The following SLC25A21 variants were observed in gnomAD, a reference collection of about 807,000 sequenced individuals.
SLC25A21 encodes mitochondrial 2-oxodicarboxylate carrier.
Under a neutral mutation model 43.8 loss-of-function variants are expected in SLC25A21, and 47 were observed. That is an observed-to-expected ratio of 1.07 (90% CI 0.85 to 1.37). SLC25A21 has a LOEUF of 1.37. Ranked by LOEUF, SLC25A21 falls within the 40% of genes most tolerant of loss-of-function variation. The pLI is 0.00. For synonymous variants in SLC25A21, 131 were observed against 121.3 expected, an observed-to-expected ratio of 1.08 and a Z score of -0.52; for missense variants, 352 against 350.2, an observed-to-expected ratio of 1.00 and a Z score of -0.04.
At chr14:36,700,109 T>C (rs1200121454) in intron 7 of SLC25A21, among the ~76,000 whole-genome samples, 2 of 152,118 alleles carry the variant, frequency 1.3e-5, no homozygotes, top group Non-Finnish European at 2.9e-5. Context: ...CAAAATTTAA[T>C]ACAATACCAC....
chr14:36,778,251 A>C (rs192842695), intron 3 of SLC25A21, among the ~76,000 whole-genome samples: 1 of 152,182 alleles, frequency 6.6e-6, no homozygotes, highest in African/African-American at 2.4e-5. Flanking sequence ...TTTACTCCCC[A>C]TCACTGCAAT....
intron 3 of SLC25A21, among the ~76,000 whole-genome samples, chr14:36,778,246 T>C (rs1249638024): frequency 6.6e-6 from 1 of 152,156 alleles, no homozygotes; most frequent in Admixed American, 6.5e-5. Context: ...AAATCTTTAC[T>C]CCCCATCACT....
intron 3 of SLC25A21, among the ~76,000 whole-genome samples, chr14:36,755,470 G>A (rs1885888951): frequency 6.6e-6 from 1 of 152,144 alleles, no homozygotes. Flanking sequence ...TGTGGTGGCG[G>A]TCATTGATCT....
At chr14:37,061,512 TCCC>T (rs111858194) in intron 1 of SLC25A21, among the ~76,000 whole-genome samples, 1 of 152,038 alleles carries the variant, frequency 6.6e-6, no homozygotes, top group Non-Finnish European at 1.5e-5. Context: ...CATGATTTTT[TCCC>T]CTCTAGTCAG....
At chr14:36,928,490 GCTAA>G (rs1270651196) in intron 1 of SLC25A21, among the ~76,000 whole-genome samples, 2 of 152,050 alleles carry the variant, frequency 1.3e-5, no homozygotes, top group Admixed American at 1.3e-4. Flanking sequence ...CTTAACCACG[GCTAA>G]CTAATGGGAG....
intron 1 of SLC25A21, among the ~76,000 whole-genome samples, chr14:37,136,679 C>T (rs954544565): frequency 1.4e-4 from 21 of 151,562 alleles, no homozygotes; most frequent in African/African-American, 4.9e-4. Context: ...TGAATGGATA[C>T]AAAAATTATA....
At chr14:36,945,268 A>G (rs1892652714) in intron 1 of SLC25A21, among the ~76,000 whole-genome samples, 1 of 152,206 alleles carries the variant, frequency 6.6e-6, no homozygotes, top group African/African-American at 2.4e-5. Context: ...GGAGGCAGAA[A>G]TACAAGTTGA....
At position 36,739,020 on chromosome 14, in the gene SLC25A21, C is replaced by A. The variant is rs116636794; in HGVS notation, c.204-4447G>T. ...GTCAATGCCAAATAAGATATAGCAA[C>A]CTAAATCAAGTTCTTTATGTCCTTG... On this transcript the variant is annotated intron_variant, in intron 3 of 9. Coordinates refer to ENST00000331299, the MANE Select transcript of SLC25A21 (RefSeq NM_030631.4). Among the ~76,000 whole-genome samples, 1,216 of 152,232 alleles carry A rather than the reference C, an allele frequency of 8.0e-3. 3 individuals are homozygous for A. The highest frequency in any genetic ancestry group is 0.02 in the Middle Eastern group (6 of 294).
chr14:37,119,843 T>C (rs1963174479), intron 1 of SLC25A21, among the ~76,000 whole-genome samples: 4 of 152,122 alleles, frequency 2.6e-5, no homozygotes, highest in Admixed American at 6.6e-5. Context: ...CAGCATCAAC[T>C]ACAAAGATCT....
chr14:36,751,674 T>C (rs1312731796), intron 3 of SLC25A21, among the ~76,000 whole-genome samples: 1 of 152,216 alleles, frequency 6.6e-6, no homozygotes. Context: ...AAGTATTTCA[T>C]GGGCCTGGTA....
At chr14:37,099,776 C>T (rs945357884) in intron 1 of SLC25A21, among the ~76,000 whole-genome samples, 6 of 152,068 alleles carry the variant, frequency 3.9e-5, no homozygotes, top group Non-Finnish European at 8.8e-5. Flanking sequence ...TAATATTTTC[C>T]TCCTTTTCCA....
chr14:37,172,409 G>C lies in SLC25A21; in HGVS notation c.-59C>G, dbSNP rs1349672005. 1 of 1,513,752 alleles carries C rather than the reference G, an allele frequency of 6.6e-7. No individual in the cohort carries two copies. The highest frequency in any genetic ancestry group is 1.4e-5 in the African/African-American group (1 of 72,544). The allele number at this position is 1,513,752 out of a possible 1,614,324, so 93.8% of individuals were successfully genotyped here. On this transcript the variant is annotated 5_prime_UTR_variant, in exon 1 of 10. Coordinates refer to ENST00000331299, the MANE Select transcript of SLC25A21 (RefSeq NM_030631.4). ...AGATGCGTCAACGAGCTCGCAGCCT[G>C]CACAGCCTACTGATCCAGAGAGCCC...
intron 1 of SLC25A21, among the ~76,000 whole-genome samples, chr14:37,004,474 T>A (rs1338135316): frequency 6.6e-6 from 1 of 152,334 alleles, no homozygotes; most frequent in East Asian, 1.9e-4. Context: ...CAAGGTTATG[T>A]GTTAAGTCAG....
chr14:37,144,952 G>GT (rs747634966), intron 1 of SLC25A21, among the ~76,000 whole-genome samples: 1,666 of 149,500 alleles, frequency 0.011, 19 homozygotes, highest in Middle Eastern at 0.061. Context: ...TGTTGTTGTT[G>GT]TTGTTTGTTT....
chr14:36,804,559 A>C lies in SLC25A21; in HGVS notation c.203+9359T>G, dbSNP rs77721144. 3.6e-4 allele frequency among the ~76,000 whole-genome samples: 55 copies of C among 152,334 alleles called. No individual in the cohort carries two copies. In the East Asian group the frequency reaches 9.3e-3, roughly 26 times the overall value. The stretch of plus-strand genomic sequence containing the variant: ...TACATGGACACGTTTCACAAACGAT[A>C]AAGGACCAGAATGGTAACAGTGGTT... On this transcript the variant is annotated intron_variant, in intron 3 of 9. Transcript: ENST00000331299.
intron 1 of SLC25A21, among the ~76,000 whole-genome samples, chr14:37,092,907 C>T (rs191600531): frequency 1.1e-4 from 16 of 144,980 alleles, no homozygotes; most frequent in African/African-American, 4.1e-4. Context: ...TGCTCCATGA[C>T]ATTTACACAC....
intron 1 of SLC25A21, among the ~76,000 whole-genome samples, chr14:36,951,147 C>T (rs1345791578): frequency 6.6e-6 from 1 of 151,528 alleles, no homozygotes; most frequent in East Asian, 1.9e-4. Flanking sequence ...GGTAACTAAA[C>T]CACTAACCAA....
intron 3 of SLC25A21, among the ~76,000 whole-genome samples, chr14:36,752,360 T>A (rs1156557326): frequency 6.6e-6 from 1 of 152,096 alleles, no homozygotes; most frequent in Non-Finnish European, 1.5e-5. Context: ...AAATCAAACA[T>A]AGATTTACCA....
intron 1 of SLC25A21, among the ~76,000 whole-genome samples, chr14:37,018,626 C>A (rs1960915137): frequency 6.6e-6 from 1 of 151,988 alleles, no homozygotes; most frequent in Non-Finnish European, 1.5e-5. Context: ...GTCTCCACCA[C>A]ATTTTACCTA....
Sources: allele counts gnomAD v4.1 joint callset (sites outside exome capture counted in the v4.1 genomes callset), GRCh38; gene constraint gnomAD v4.1.1; transcripts MANE v1.5; gene names NCBI Gene and HGNC (gene_info 2026-07-23, HGNC 2026-07-21).